The following TLE2 variants were observed in gnomAD, a reference collection of about 807,000 sequenced individuals.
TLE2 encodes the protein TLE family member 2, transcriptional corepressor.
A neutral mutation model predicts 97.2 loss-of-function variants in TLE2; 74 were observed. The observed-to-expected ratio is 0.76, with a 90% CI of 0.63 to 0.92. TLE2 has a LOEUF of 0.92. Ranked by LOEUF, TLE2 falls within the 40% of genes least tolerant of loss-of-function variation. TLE2 has a pLI of 0.00. For missense variants in TLE2, 1,038 were observed against 1,008.7 expected, an observed-to-expected ratio of 1.03 and a Z score of -0.39; for synonymous variants, 499 against 432.1, an observed-to-expected ratio of 1.15 and a Z score of -1.92.
chr19:3,024,465 A>C (rs2089905653), intron 5 of TLE2, among the ~76,000 whole-genome samples: 3 of 150,878 alleles, frequency 2.0e-5, no homozygotes, highest in Admixed American at 6.6e-5. Context: ...CCCCTCCCCA[A>C]CCCCTGGCAC....
intron 1 of TLE2, among the ~76,000 whole-genome samples, chr19:3,042,801 G>T (rs568673915): frequency 1.3e-5 from 2 of 152,038 alleles, no homozygotes; most frequent in African/African-American, 4.8e-5. Flanking sequence ...CTCGGAAGTC[G>T]GTTTCATATT....
chr19:3,030,887 G>C (rs907806318), upstream of TLE2, among the ~76,000 whole-genome samples: 79 of 150,780 alleles, frequency 5.2e-4, no homozygotes, highest in African/African-American at 1.9e-3. Context: ...GAAGGTCAAG[G>C]CTGCACTGAG....
intron 7 of TLE2, among the ~76,000 whole-genome samples, chr19:3,018,625 AT>A (rs1052550477): frequency 7.1e-5 from 10 of 141,070 alleles, no homozygotes; most frequent in Non-Finnish European, 1.2e-4. Flanking sequence ...ATTTATTTTA[AT>A]TTTTTTGAGA....
chr19:3,008,822 G>A (rs1294134554), intron 14 of TLE2, 47 bp downstream of exon 14: 2 of 1,457,536 alleles, frequency 1.4e-6, no homozygotes, highest in Admixed American at 2.3e-5. Context: ...GAGGAGGTGG[G>A]GGGCTGGCCC....
upstream of TLE2, among the ~76,000 whole-genome samples, chr19:3,046,833 G>C (rs549705398): frequency 6.6e-5 from 10 of 151,536 alleles, no homozygotes; most frequent in South Asian, 1.9e-3. Flanking sequence ...AAAGGAATAT[G>C]GGCCCACCCC....
At chr19:3,029,453 T>G (rs1599248593), upstream of TLE2, 3 of 947,994 alleles carry the variant, frequency 3.2e-6, no homozygotes, top group Admixed American at 7.2e-5. Flanking sequence ...TGAGGCCGGG[T>G]GGGGAGGCGC....
upstream of TLE2, among the ~76,000 whole-genome samples, chr19:3,032,554 T>A (rs2090033432): frequency 6.6e-6 from 1 of 152,144 alleles, no homozygotes; most frequent in African/African-American, 2.4e-5. The surrounding 1 kb of genome is among the most constrained non-coding windows in gnomAD (Gnocchi z 4.1). Context: ...GTGTTTTGGA[T>A]GTGAGTATGT....
At chr19:3,010,958 T>C in intron 12 of TLE2, 64 bp downstream of exon 12, 1 of 1,535,514 alleles carries the variant, frequency 6.5e-7, no homozygotes, top group Non-Finnish European at 8.8e-7. Flanking sequence ...CTCCAGCCCC[T>C]TTTCCTAGAT....
At position 3,000,630 on chromosome 19, in the gene TLE2, T is replaced by C. The variant is rs751695993; in HGVS notation, c.2124+17A>G. The C allele has an allele frequency of 1.3e-6, 2 of 1,569,174 alleles. No individual in the cohort carries two copies. The highest frequency in any genetic ancestry group is 1.2e-5 in the South Asian group (1 of 85,218). On this transcript the variant is annotated intron_variant, in intron 19 of 19. Transcript: ENST00000262953. ...CACATGGCCCTGCCAGAGTGGGGGCTCCAGACCGCCGAGTACCTGGAAAAT... is the reference window on the plus strand; with the variant it reads ...CACATGGCCCTGCCAGAGTGGGGGCCCCAGACCGCCGAGTACCTGGAAAAT...
intron 3 of TLE2, among the ~76,000 whole-genome samples, 152 bp from the exon 4 acceptor site, chr19:3,028,025 G>C (rs1430691569): frequency 1.3e-5 from 2 of 152,102 alleles, no homozygotes; most frequent in Non-Finnish European, 2.9e-5. Context: ...CCCAGAGGAG[G>C]AAGCGGGGGC....
At chr19:3,047,050 TCTCCCTCCC>T (rs2090148399), upstream of TLE2, among the ~76,000 whole-genome samples, 1 of 29,866 alleles carries the variant, frequency 3.3e-5, no homozygotes, top group African/African-American at 1.5e-4. Flanking sequence ...CGCCCCTCCC[TCTCCCTCCC>T]CTCCCTCCCC....
At position 3,019,273 on chromosome 19, in the gene TLE2, G is replaced by A. The variant is rs2089785432; in HGVS notation, c.550+10C>T. 2 of 1,570,404 alleles carry A rather than the reference G, an allele frequency of 1.3e-6. No individual in the cohort carries two copies. The highest frequency in any genetic ancestry group is 2.3e-5 in the East Asian group (1 of 42,682). ...TCCCCAGCCAATGCCACCCCGTGCT[G>A]CCCACTCACCTCTGGACCCCTCGGC... On this transcript the variant is annotated intron_variant, in intron 7 of 19. Coordinates refer to ENST00000262953, the MANE Select transcript of TLE2 (RefSeq NM_003260.5). This position sits in a 1 kb window ranked among gnomAD's most constrained non-coding sequence, Gnocchi z 5.1.
rs1440824545 is a variant in TLE2 at position 3,006,682 on chromosome 19, C to T, written c.1251-13G>A. ...GAAGGAGTAGGCCCTGGAGAGAAAG[C>T]CGGGGCATGACCCAGCCCTGGGCAC... On this transcript the variant is annotated splice_polypyrimidine_tract_variant and intron_variant, in intron 14 of 19. Coordinates refer to ENST00000262953, the MANE Select transcript of TLE2 (RefSeq NM_003260.5). 6.3e-7 allele frequency: 1 copy of T among 1,575,526 alleles called. No individual in the cohort carries two copies. Among genetic ancestry groups the T allele is most frequent in the Non-Finnish European group, 8.6e-7 (1 of 1,158,144 alleles).
chr19:3,011,774 C>G (rs564493959), intron 11 of TLE2, among the ~76,000 whole-genome samples: 1 of 151,802 alleles, frequency 6.6e-6, no homozygotes, highest in South Asian at 2.1e-4. Context: ...TGCTTGAACC[C>G]GGGAGGCAGA....
At chr19:3,001,217 G>A (rs936646024) in intron 18 of TLE2, among the ~76,000 whole-genome samples, 2 of 151,752 alleles carry the variant, frequency 1.3e-5, no homozygotes, top group Admixed American at 1.3e-4. Context: ...AGGTTGCAGT[G>A]AGCTGAGATT....
chr19:3,021,116 G>GAAAAAAA (rs1568245430), intron 5 of TLE2, among the ~76,000 whole-genome samples: 2 of 64,442 alleles, frequency 3.1e-5, no homozygotes, highest in African/African-American at 1.3e-4. Flanking sequence ...AAAAAAAAAG[G>GAAAAAAA]GGGGGGGGTG....
At position 3,017,016 on chromosome 19, in the gene TLE2, G is replaced by C. The variant is rs532098616; in HGVS notation, c.570+824C>G. On this transcript the variant is annotated intron_variant, in intron 8 of 19. Transcript: ENST00000262953. ...TGGTCTCGAACTCCTGACCTCAAGT[G>C]ATCCACCCACCTTGGCCTCCCAAAG... Among the ~76,000 whole-genome samples the C allele has an allele frequency of 2.2e-4, 33 of 152,226 alleles. 1 individual carries two copies. The South Asian group carries it at 6.2e-3, about 29-fold the overall frequency.
Position 3,005,566 on chromosome 19 carries a change from C to T in TLE2, c.1767G>A (p.Thr589=), listed in dbSNP as rs374442281. ...AAATATCAATGCAGCTGGCGCCGTC[C>T]GTGTGGCCCTGGAACTGCCTGGAGG... The part of the protein sequence containing the change: ...QTMVRQFQGH[T]DGASCIDISD... The change falls in exon 17 of 20, where the codon ACG becomes ACA. Residue 589 remains threonine (T), a synonymous_variant. Transcript: ENST00000262953. 2.5e-6 allele frequency: 4 copies of T among 1,613,228 alleles called. No individual in the cohort carries two copies. Among genetic ancestry groups the T allele is most frequent in the African/African-American group, 2.7e-5 (2 of 74,932 alleles).
Position 3,000,694 on chromosome 19 carries a change from T to A in TLE2, c.2077A>T (p.Asn693Tyr). ...GRWFVSTGKDNLLNAWRTPYG... is the reference protein window; with the variant it reads ...GRWFVSTGKDYLLNAWRTPYG... ...GGCGTCCTCCAGGCGTTGAGCAGGT[T>A]GTCCTTCCCGGTGCTCACAAACCAC... The change falls in exon 19 of 20, where the codon AAC becomes TAC. Residue 693 changes from asparagine (N) to tyrosine (Y), a missense_variant. Transcript: ENST00000262953. The A allele has an allele frequency of 6.3e-7, 1 of 1,594,318 alleles. No individual in the cohort carries two copies. Among genetic ancestry groups the A allele is most frequent in the Non-Finnish European group, 8.5e-7 (1 of 1,170,862 alleles).
Sources: allele counts gnomAD v4.1 joint callset (sites outside exome capture counted in the v4.1 genomes callset), GRCh38; gene constraint gnomAD v4.1.1; non-coding constraint Gnocchi (gnomAD v3.1); transcripts MANE v1.5; gene names NCBI Gene and HGNC (gene_info 2026-07-23, HGNC 2026-07-21).